The following AGAP1 variants were observed in gnomAD, a reference collection of about 807,000 sequenced individuals.
AGAP1 encodes the protein arf-GAP with GTPase, ANK repeat and PH domain-containing protein 1.
In AGAP1, 29 loss-of-function variants were observed where a neutral mutation model predicts 105.3. The observed-to-expected ratio is 0.28, with a 90% CI of 0.21 to 0.38. AGAP1 has a LOEUF of 0.38. Ranked by LOEUF, AGAP1 falls within the 10% of genes least tolerant of loss-of-function variation. The probability of loss-of-function intolerance (pLI) is 1.00; values close to 1 mark genes in which losing one functional copy is unlikely to be tolerated. For synonymous variants in AGAP1, 509 were observed against 485.9 expected, an observed-to-expected ratio of 1.05 and a Z score of -0.63; for missense variants, 998 against 1,165.1, an observed-to-expected ratio of 0.86 and a Z score of 2.09.
chr2:235,930,383 C>T lies in AGAP1; in HGVS notation c.1325-382C>T, dbSNP rs1479423739. 6.6e-6 allele frequency among the ~76,000 whole-genome samples: 1 copy of T among 152,186 alleles called. No homozygotes were observed. Among genetic ancestry groups the T allele is most frequent in the Admixed American group, 6.5e-5 (1 of 15,288 alleles). On this transcript the variant is annotated intron_variant, in intron 11 of 17. Coordinates refer to ENST00000304032, the MANE Select transcript of AGAP1 (RefSeq NM_001037131.3). This position sits in a 1 kb window ranked among gnomAD's most constrained non-coding sequence, Gnocchi z 7.9. The stretch of plus-strand genomic sequence containing the variant: ...TGTTCCATTGGTAGGGTGACATGGC[C>T]GGGCTCCTGGAGCCCCCATCTTGCC...
intron 1 of AGAP1, among the ~76,000 whole-genome samples, chr2:235,580,838 G>A (rs1466366574): frequency 6.6e-6 from 1 of 152,158 alleles, no homozygotes; most frequent in East Asian, 1.9e-4. Context: ...TGGCATGAGA[G>A]GTGATCATCC....
At chr2:236,094,296 A>G (rs1385281865) in intron 16 of AGAP1, among the ~76,000 whole-genome samples, 1 of 152,068 alleles carries the variant, frequency 6.6e-6, no homozygotes, top group African/African-American at 2.4e-5. Context: ...ATCTTTAAAA[A>G]AAAAAAAAAA....
Position 236,104,466 on chromosome 2 carries a change from C to T in AGAP1, c.2115-15726C>T, listed in dbSNP as rs1471465609. On this transcript the variant is annotated intron_variant, in intron 16 of 17. Transcript: ENST00000304032. The surrounding 1 kb of genome is among the most constrained non-coding windows in gnomAD (Gnocchi z 4.7). ...TCGACCAGCACCTGTGCTGTCTGCC[C>T]CTCACAAAATCCTTGTCCCTTCTCA... is the stretch of plus-strand genomic sequence containing the variant. 6.6e-6 allele frequency among the ~76,000 whole-genome samples: 1 copy of T among 152,246 alleles called. No individual in the cohort carries two copies. The highest frequency in any genetic ancestry group is 2.4e-5 in the African/African-American group (1 of 41,474).
rs1944677419 is a variant in AGAP1 at position 235,574,714 on chromosome 2, G to A, written c.163+79865G>A. On this transcript the variant is annotated intron_variant, in intron 1 of 17. Coordinates refer to ENST00000304032, the MANE Select transcript of AGAP1 (RefSeq NM_001037131.3). The surrounding 1 kb of genome is among the most constrained non-coding windows in gnomAD (Gnocchi z 5.0). ...CTTTTTAAAGAGACTGTATTAAGAG[G>A]AATAATGGACCAAGTACACCAGGAG... 6.6e-6 allele frequency among the ~76,000 whole-genome samples: 1 copy of A among 152,096 alleles called. No individual in the cohort carries two copies. Among genetic ancestry groups the A allele is most frequent in the Admixed American group, 6.6e-5 (1 of 15,264 alleles).
At chr2:235,987,119 A>ATTTATTTG (rs1290162222) in intron 13 of AGAP1, among the ~76,000 whole-genome samples, 154 of 150,362 alleles carry the variant, frequency 1.0e-3, no homozygotes, top group Non-Finnish European at 1.6e-3. Flanking sequence ...TTATTTATTT[A>ATTTATTTG]TTTATTTATT....
At position 235,517,948 on chromosome 2, in the gene AGAP1, G is replaced by GAAAT. The variant is rs145516153; in HGVS notation, c.163+23102_163+23103insTAAA. ...ACTCCGTTTCAAAAAAAAAAAAAAA[G>GAAAT]AAAAAAAAAAGGTAGAACTCATAGT... On this transcript the variant is annotated intron_variant, in intron 1 of 17. Coordinates refer to ENST00000304032, the MANE Select transcript of AGAP1 (RefSeq NM_001037131.3). The surrounding 1 kb of genome is among the most constrained non-coding windows in gnomAD (Gnocchi z 4.1). Among the ~76,000 whole-genome samples the GAAAT allele has an allele frequency of 7.0e-6, 1 of 142,890 alleles. No homozygotes were observed. Among genetic ancestry groups the GAAAT allele is most frequent in the Admixed American group, 7.0e-5 (1 of 14,330 alleles). The allele number at this position is 142,890 out of a possible 152,430, so 93.7% of individuals were successfully genotyped here. A position where few individuals can be genotyped will look rare whatever the true frequency, so the allele number is the denominator to read the frequency against.
chr2:236,019,387 A>C (rs1271338348), intron 13 of AGAP1, among the ~76,000 whole-genome samples: 12 of 152,142 alleles, frequency 7.9e-5, no homozygotes, highest in Non-Finnish European at 2.9e-5. Flanking sequence ...CTTTGTGGAG[A>C]GCAGAACTAC....
Position 236,027,351 on chromosome 2 carries a change from G to T in AGAP1, c.1646-9210G>T, listed in dbSNP as rs1013152885. Reference sequence around the variant, plus strand: ...GTTGGTGTAGAGTGGCCTTAATTAGGCTCTGTGCTCAGATGTTAATCCTTC... The same window carrying T: ...GTTGGTGTAGAGTGGCCTTAATTAGTCTCTGTGCTCAGATGTTAATCCTTC... On this transcript the variant is annotated intron_variant, in intron 13 of 17. Coordinates refer to ENST00000304032, the MANE Select transcript of AGAP1 (RefSeq NM_001037131.3). This position sits in a 1 kb window ranked among gnomAD's most constrained non-coding sequence, Gnocchi z 4.4. Among the ~76,000 whole-genome samples the T allele has an allele frequency of 1.3e-5, 2 of 152,116 alleles. No individual in the cohort carries two copies. The highest frequency in any genetic ancestry group is 2.4e-5 in the African/African-American group (1 of 41,412).
chr2:235,521,178 C>G (rs1942599294), intron 1 of AGAP1, among the ~76,000 whole-genome samples: 1 of 152,208 alleles, frequency 6.6e-6, no homozygotes, highest in Non-Finnish European at 1.5e-5. Flanking sequence ...ATTGCTTTTC[C>G]TCTTTAGGGT....
intron 13 of AGAP1, among the ~76,000 whole-genome samples, chr2:235,972,383 C>A (rs780413232): frequency 5.3e-5 from 8 of 152,156 alleles, no homozygotes; most frequent in African/African-American, 1.4e-4. Flanking sequence ...TCAGTAGAAT[C>A]CATTAAACTC....
chr2:235,754,463 T>A lies in AGAP1; in HGVS notation c.673+3975T>A, dbSNP rs1559439837. Among the ~76,000 whole-genome samples, 1 of 151,916 alleles carries A rather than the reference T, an allele frequency of 6.6e-6. No homozygotes were observed. Among genetic ancestry groups the A allele is most frequent in the Non-Finnish European group, 1.5e-5 (1 of 67,984 alleles). ...AAAAATCCAGCTGCTTCCATTGCCC[T>A]GCGGAGGCCATGTTCCTGATTGGCT... On this transcript the variant is annotated intron_variant, in intron 6 of 17. Transcript: ENST00000304032. The surrounding 1 kb of genome is among the most constrained non-coding windows in gnomAD (Gnocchi z 4.6).
rs1194773177 is a variant in AGAP1, at chr2:236,002,015, GTCCTGGAC to G, written c.1645+33394_1645+33401del. Among the ~76,000 whole-genome samples, 3 of 152,320 alleles carry G rather than the reference GTCCTGGAC, an allele frequency of 2.0e-5. No homozygotes were observed. Among genetic ancestry groups the G allele is most frequent in the African/African-American group, 7.2e-5 (3 of 41,576 alleles). On this transcript the variant is annotated intron_variant, in intron 13 of 17. Coordinates refer to ENST00000304032, the MANE Select transcript of AGAP1 (RefSeq NM_001037131.3). The surrounding 1 kb of genome is among the most constrained non-coding windows in gnomAD (Gnocchi z 4.3). ...CATTCAGCCCACGCCTCCATGGCTGGTCCTGGACTGGGTGAGGACACCATGAGAAACAG... is the reference window on the plus strand; with the variant it reads ...CATTCAGCCCACGCCTCCATGGCTGGTGGGTGAGGACACCATGAGAAACAG...
chr2:235,874,309 A>C lies in AGAP1; in HGVS notation c.1051-9036A>C, dbSNP rs1246879047. 6.6e-6 allele frequency among the ~76,000 whole-genome samples: 1 copy of C among 152,172 alleles called. No homozygotes were observed. Among genetic ancestry groups the C allele is most frequent in the Non-Finnish European group, 1.5e-5 (1 of 68,026 alleles). ...TGTGATCTGCCGGCCTCGGCCTCCC[A>C]AAGTGCTGGGGTTACAGATGTAAGC... is the stretch of plus-strand genomic sequence containing the variant. On this transcript the variant is annotated intron_variant, in intron 9 of 17. Transcript: ENST00000304032. The surrounding 1 kb of genome is among the most constrained non-coding windows in gnomAD (Gnocchi z 4.5).
At position 235,633,221 on chromosome 2, in the gene AGAP1, C is replaced by T. The variant is rs1043226565; in HGVS notation, c.164-75958C>T. Among the ~76,000 whole-genome samples, 7 of 152,054 alleles carry T rather than the reference C, an allele frequency of 4.6e-5. No individual in the cohort carries two copies. The highest frequency in any genetic ancestry group is 1.2e-4 in the African/African-American group (5 of 41,386). On this transcript the variant is annotated intron_variant, in intron 1 of 17. Transcript: ENST00000304032. The surrounding 1 kb of genome is among the most constrained non-coding windows in gnomAD (Gnocchi z 4.8). ...TGCGGGAGCCTACGGAATGAAGACCCGAAGATTCAGGGGAGGTCGTCTGTG... is the reference window on the plus strand; with the variant it reads ...TGCGGGAGCCTACGGAATGAAGACCTGAAGATTCAGGGGAGGTCGTCTGTG...
At chr2:236,107,519 A>C (rs970736733) in intron 16 of AGAP1, among the ~76,000 whole-genome samples, 1 of 152,190 alleles carries the variant, frequency 6.6e-6, no homozygotes, top group Non-Finnish European at 1.5e-5. Flanking sequence ...GTATCCAGGA[A>C]TATTATCCTA....
intron 13 of AGAP1, among the ~76,000 whole-genome samples, chr2:236,007,905 G>A (rs13025044): frequency 0.65 from 99,331 of 152,208 alleles, 33,833 homozygotes; most frequent in African/African-American, 0.85. Context: ...GCTGCTCCCC[G>A]GCACCAGTGC....
chr2:235,996,680 A>G (rs529535593), intron 13 of AGAP1, among the ~76,000 whole-genome samples: 1 of 152,358 alleles, frequency 6.6e-6, no homozygotes, highest in East Asian at 1.9e-4. Context: ...CACAGCTCCC[A>G]GCCTGCAGGA....
Position 235,821,446 on chromosome 2 carries a change from C to T in AGAP1, c.1050+14115C>T, listed in dbSNP as rs530922345. The stretch of plus-strand genomic sequence containing the variant: ...TCACCCAGGCTGGAGTGCAGTGGTG[C>T]GATCTTGGCTCACTGCAAGCTCTGC... On this transcript the variant is annotated intron_variant, in intron 9 of 17. Coordinates refer to ENST00000304032, the MANE Select transcript of AGAP1 (RefSeq NM_001037131.3). Among the ~76,000 whole-genome samples the T allele has an allele frequency of 2.7e-5, 4 of 146,222 alleles. No homozygotes were observed. The East Asian group carries it at 6.1e-4, about 22-fold the overall frequency.
At chr2:235,822,186 G>A (rs886614043) in intron 9 of AGAP1, among the ~76,000 whole-genome samples, 2 of 152,210 alleles carry the variant, frequency 1.3e-5, no homozygotes, top group African/African-American at 4.8e-5. Flanking sequence ...GATAGACGTT[G>A]TACTCAATAA....
Sources: gnomAD v4.1 joint callset for allele counts (sites outside exome capture counted in the v4.1 genomes callset) on GRCh38, gnomAD v4.1.1 for gene constraint, Gnocchi (gnomAD v3.1) non-coding constraint, MANE v1.5 for transcripts, NCBI Gene and HGNC (gene_info 2026-07-23, HGNC 2026-07-21) for gene names.